Variants in ADGRL3 observed in about 807,000 individuals in gnomAD.
ADGRL3 encodes the protein calcium-independent alpha-latrotoxin receptor 3.
Under a neutral mutation model 153.5 loss-of-function variants are expected in ADGRL3, and 62 were observed. The ratio of observed to expected loss-of-function variants is 0.40; its 90% CI spans 0.33 to 0.50. The LOEUF is 0.50. Among genes scored for constraint, ADGRL3 ranks in the 20% least tolerant of loss-of-function variants. ADGRL3 has a pLI of 0.47. For synonymous variants in ADGRL3, 710 were observed against 672.5 expected (o/e 1.06, Z -0.86); for missense variants, 1,641 against 1,859.4 (o/e 0.88, Z 2.16).
At chr4:61,459,864 T>G (rs542523968) in intron 2 of ADGRL3, among the ~76,000 whole-genome samples, 1 of 152,282 alleles carries the variant, frequency 6.6e-6, no homozygotes, top group African/African-American at 2.4e-5. Flanking sequence ...ATTTTTGTAA[T>G]GTATCTGTTG....
intron 1 of ADGRL3, among the ~76,000 whole-genome samples, chr4:61,277,753 A>G (rs968883575): frequency 6.6e-6 from 1 of 152,176 alleles, no homozygotes; most frequent in Non-Finnish European, 1.5e-5. Context: ...ATGTGCCAAA[A>G]AAGACTGTTG....
intron 2 of ADGRL3, among the ~76,000 whole-genome samples, chr4:61,492,020 A>AACAC (rs148672063): frequency 4.6e-5 from 7 of 150,572 alleles, no homozygotes; most frequent in African/African-American, 1.7e-4. Context: ...AACAATGAAA[A>AACAC]AAACAAACAA....
At chr4:61,445,897 C>A (rs1372406937) in intron 2 of ADGRL3, among the ~76,000 whole-genome samples, 1 of 152,188 alleles carries the variant, frequency 6.6e-6, no homozygotes, top group African/African-American at 2.4e-5. Flanking sequence ...CTAGCACAAC[C>A]ATTAACTTCT....
rs75572400 is a variant in ADGRL3 at position 61,682,242 on chromosome 4, A to G, written c.583+5307A>G. ...TATAGCAAGTATTGTCCCTTGTTTA[A>G]ATGTTCCTCTCTCTGTATCAGCTAT... On this transcript the variant is annotated intron_variant, in intron 6 of 26. Coordinates refer to ENST00000683033, the MANE Select transcript of ADGRL3 (RefSeq NM_001387552.1). Among the ~76,000 whole-genome samples the G allele has an allele frequency of 8.6e-5, 13 of 152,040 alleles. No individual in the cohort carries two copies. The East Asian group carries it at 1.2e-3, about 14-fold the overall frequency.
intron 1 of ADGRL3, among the ~76,000 whole-genome samples, chr4:61,305,711 A>C (rs370840526): frequency 2.0e-5 from 3 of 152,222 alleles, no homozygotes; most frequent in South Asian, 2.1e-4. Context: ...TTGAGCGTCA[A>C]GCAGTTAAGG....
intron 1 of ADGRL3, among the ~76,000 whole-genome samples, chr4:61,285,034 T>C (rs1300350116): frequency 1.3e-5 from 2 of 151,730 alleles, no homozygotes; most frequent in Non-Finnish European, 2.9e-5. Context: ...GTGAGATGGT[T>C]GGCCACAGGT....
intron 1 of ADGRL3, among the ~76,000 whole-genome samples, chr4:61,285,488 A>C (rs1009184477): frequency 6.6e-5 from 10 of 151,706 alleles, no homozygotes; most frequent in Non-Finnish European, 1.2e-4. Context: ...GTTCTCATGT[A>C]TTTATATATT....
At chr4:61,989,664 A>T (rs181511570) in intron 19 of ADGRL3, among the ~76,000 whole-genome samples, 1 of 152,010 alleles carries the variant, frequency 6.6e-6, no homozygotes, top group African/African-American at 2.4e-5. Context: ...ACTTTTTTCT[A>T]TTAAGAAGTT....
At chr4:61,724,619 G>T (rs968874523) in intron 6 of ADGRL3, among the ~76,000 whole-genome samples, 2 of 152,054 alleles carry the variant, frequency 1.3e-5, no homozygotes, top group African/African-American at 4.8e-5. Context: ...TGATGCATGG[G>T]TATTATTTGA....
chr4:62,012,969 A>G (rs2099193371), intron 21 of ADGRL3, among the ~76,000 whole-genome samples: 1 of 152,130 alleles, frequency 6.6e-6, no homozygotes. Context: ...AAATGTAAAA[A>G]CAACATGTCA....
At chr4:61,393,767 A>G (rs2096839586) in intron 2 of ADGRL3, among the ~76,000 whole-genome samples, 1 of 152,136 alleles carries the variant, frequency 6.6e-6, no homozygotes, top group Non-Finnish European at 1.5e-5. Context: ...TATCATCATA[A>G]CTCTTGAAGA....
intron 1 of ADGRL3, among the ~76,000 whole-genome samples, chr4:61,263,656 A>G (rs973444877): frequency 1.3e-5 from 2 of 152,064 alleles, no homozygotes; most frequent in African/African-American, 2.4e-5. Flanking sequence ...GAGACATTCA[A>G]TGCAGTATGA....
chr4:61,842,672 G>A (rs181169438), intron 9 of ADGRL3, among the ~76,000 whole-genome samples: 2 of 152,258 alleles, frequency 1.3e-5, no homozygotes, highest in East Asian at 1.9e-4. Flanking sequence ...TCTTATTAAT[G>A]TATTGATTCC....
At chr4:61,907,845 A>G (rs1458835620) in intron 11 of ADGRL3, among the ~76,000 whole-genome samples, 1 of 152,118 alleles carries the variant, frequency 6.6e-6, no homozygotes, top group Non-Finnish European at 1.5e-5. Flanking sequence ...AACATTACTA[A>G]TTTGTTCCCT....
intron 9 of ADGRL3, among the ~76,000 whole-genome samples, chr4:61,839,806 T>G (rs971388822): frequency 6.6e-6 from 1 of 151,662 alleles, no homozygotes; most frequent in Non-Finnish European, 1.5e-5. Flanking sequence ...TTAAATTTGC[T>G]GTACATGGTT....
chr4:61,316,367 G>A (rs576341971), intron 1 of ADGRL3, among the ~76,000 whole-genome samples: 2 of 152,118 alleles, frequency 1.3e-5, no homozygotes, highest in African/African-American at 4.8e-5. Flanking sequence ...AGACAGGCAG[G>A]GTCTAAATTA....
At chr4:61,483,976 A>C (rs971591197) in intron 2 of ADGRL3, among the ~76,000 whole-genome samples, 1 of 151,884 alleles carries the variant, frequency 6.6e-6, no homozygotes, top group Non-Finnish European at 1.5e-5. Context: ...TATTCTGCTC[A>C]TATATTTAAA....
intron 1 of ADGRL3, among the ~76,000 whole-genome samples, chr4:61,243,560 AT>A (rs1339497971): frequency 2.0e-5 from 3 of 151,960 alleles, no homozygotes; most frequent in Non-Finnish European, 2.9e-5. Context: ...CTCTAGCAGT[AT>A]TTTTCTAAAG....
chr4:61,488,730 T>G (rs1165189224), intron 2 of ADGRL3, among the ~76,000 whole-genome samples: 1 of 152,030 alleles, frequency 6.6e-6, no homozygotes, highest in Non-Finnish European at 1.5e-5. Context: ...TGACTTAACG[T>G]TCTTCAAATA....
Sources: gnomAD v4.1 joint callset for allele counts (sites outside exome capture counted in the v4.1 genomes callset) on GRCh38, gnomAD v4.1.1 for gene constraint, MANE v1.5 for transcripts, NCBI Gene and HGNC (gene_info 2026-07-23, HGNC 2026-07-21) for gene names.